The following SEC24A variants were observed in gnomAD, a reference collection of about 807,000 sequenced individuals.
The protein encoded by SEC24A is SEC24 homolog A, COPII component.
SEC24A carries 93 observed loss-of-function variants against 129.4 expected under a neutral mutation model. That is an observed-to-expected ratio of 0.72 (90% confidence interval 0.61 to 0.85). The LOEUF (loss-of-function observed/expected upper bound fraction) is 0.85, where lower values mean the gene tolerates loss of function less well. SEC24A is among the 40% of genes least tolerant of loss of function. The pLI is 0.00. For synonymous variants in SEC24A, 460 were observed against 467.3 expected, an observed-to-expected ratio of 0.98 and a Z score of 0.20; for missense variants, 1,264 against 1,307.4, an observed-to-expected ratio of 0.97 and a Z score of 0.51.
In SEC24A at chr5:134,719,846, G is replaced by A. The variant is rs144451466; in HGVS notation, c.2971-1152G>A. The stretch of plus-strand genomic sequence containing the variant: ...ACTAAAAATACAAAATTAGCCAGGC[G>A]TGGTGGCACATGCCTGTAATCCCAG... On this transcript the variant is annotated intron_variant, in intron 20 of 22. Coordinates refer to ENST00000398844, the MANE Select transcript of SEC24A (RefSeq NM_021982.3). Among the ~76,000 whole-genome samples the A allele has an allele frequency of 1.1e-4, 16 of 152,186 alleles. No individual in the cohort carries two copies. The East Asian group carries it at 2.3e-3, about 22-fold the overall frequency.
At position 134,698,052 on chromosome 5, in the gene SEC24A, C is replaced by G. The variant is rs1474159517; in HGVS notation, c.2261C>G (p.Thr754Ser). The change falls in exon 15 of 23, where the codon ACC becomes AGC. Residue 754 changes from threonine (T) to serine (S), a missense_variant. Thr to Ser is a moderately conservative substitution (Grantham distance 58). Coordinates refer to ENST00000398844, the MANE Select transcript of SEC24A (RefSeq NM_021982.3). ...GAGGCAGTCATGAGGATTCGGTGCA[C>G]CAAAGGTAGGAATATTTTTTTTTTG... Reference protein sequence around the residue: ...GFEAVMRIRCTKGLSIHTFHG... With the variant: ...GFEAVMRIRCSKGLSIHTFHG... 16 of 1,601,930 alleles carry G rather than the reference C, an allele frequency of 1.0e-5. No individual in the cohort carries two copies. Among genetic ancestry groups the G allele is most frequent in the Non-Finnish European group, 1.3e-5 (15 of 1,176,704 alleles).
intron 20 of SEC24A, among the ~76,000 whole-genome samples, 189 bp from the exon 21 acceptor site, chr5:134,720,809 G>A (rs535477640): frequency 3.3e-5 from 5 of 152,112 alleles, no homozygotes; most frequent in Admixed American, 2.6e-4. Context: ...AGGCTGAGGT[G>A]GGAAATCGCT....
chr5:134,653,041 G>A (rs187102818), intron 1 of SEC24A, among the ~76,000 whole-genome samples: 1 of 150,624 alleles, frequency 6.6e-6, no homozygotes, highest in African/African-American at 2.4e-5. Flanking sequence ...TCCTGACCTC[G>A]TGATCTGCCC....
At position 134,697,999 on chromosome 5, in the gene SEC24A, G is replaced by A. The variant is rs764356862; in HGVS notation, c.2208G>A (p.Gln736=). 9.3e-6 allele frequency: 15 copies of A among 1,613,904 alleles called. No individual in the cohort carries two copies. The highest frequency in any genetic ancestry group is 1.2e-5 in the Non-Finnish European group (14 of 1,179,980). ...TACAGAAATTACAGAAGGAACTACAGAGATACCTTACTCGGAAGATTGGCT... is the reference window on the plus strand; with the variant it reads ...TACAGAAATTACAGAAGGAACTACAAAGATACCTTACTCGGAAGATTGGCT... The part of the protein sequence containing the change: ...VQVQKLQKEL[Q]RYLTRKIGFE... The change falls in exon 15 of 23, where the codon CAG becomes CAA. Residue 736 remains glutamine (Q), a synonymous_variant. Coordinates refer to ENST00000398844, the MANE Select transcript of SEC24A (RefSeq NM_021982.3).
intron 20 of SEC24A, among the ~76,000 whole-genome samples, chr5:134,718,551 C>T (rs1437576892): frequency 6.6e-6 from 1 of 152,042 alleles, no homozygotes; most frequent in African/African-American, 2.4e-5. Context: ...TGGAGACCTT[C>T]TAATGAGACA....
At chr5:134,707,297 A>G (rs1285670569) in intron 17 of SEC24A, among the ~76,000 whole-genome samples, 1 of 151,904 alleles carries the variant, frequency 6.6e-6, no homozygotes, top group Non-Finnish European at 1.5e-5. Context: ...ATTGTGACCT[A>G]TGAAATTTGA....
At chr5:134,674,517 A>G in intron 4 of SEC24A, 98 bp from the exon 5 acceptor site, 2 of 1,109,692 alleles carry the variant, frequency 1.8e-6, no homozygotes, top group South Asian at 3.4e-5. Flanking sequence ...AGCCTGGGCA[A>G]TAGTGAGACC....
intron 12 of SEC24A, chr5:134,693,220 T>C: frequency 6.7e-7 from 1 of 1,500,692 alleles, no homozygotes; most frequent in East Asian, 2.5e-5. Flanking sequence ...ATGGTGACTG[T>C]GCCATAGTGC....
At chr5:134,655,295 T>C (rs1238052142) in intron 1 of SEC24A, among the ~76,000 whole-genome samples, 2 of 152,128 alleles carry the variant, frequency 1.3e-5, no homozygotes, top group African/African-American at 4.8e-5. Flanking sequence ...TCATCTGCAT[T>C]CATTCTTGCC....
chr5:134,673,246 G>A (rs1240984200), intron 4 of SEC24A, among the ~76,000 whole-genome samples: 1 of 151,498 alleles, frequency 6.6e-6, no homozygotes, highest in Non-Finnish European at 1.5e-5. Context: ...AGTAGAGATA[G>A]GGTTTAACCA....
At chr5:134,687,767 C>T (rs1039635018) in intron 10 of SEC24A, among the ~76,000 whole-genome samples, 3 of 152,160 alleles carry the variant, frequency 2.0e-5, no homozygotes, top group African/African-American at 7.2e-5. Context: ...ATTTGTAGTT[C>T]TTTAAAATAG....
intron 15 of SEC24A, among the ~76,000 whole-genome samples, chr5:134,703,470 G>GT (rs2150104555): frequency 6.6e-6 from 1 of 152,228 alleles, no homozygotes; most frequent in Non-Finnish European, 1.5e-5. Flanking sequence ...GTTTCACCAT[G>GT]TTATTGGCCA....
In SEC24A at chr5:134,715,056, A is replaced by C. The variant is rs372818812; in HGVS notation, c.2760A>C (p.Leu920=). The C allele has an allele frequency of 1.2e-6, 2 of 1,613,168 alleles. No homozygotes were observed. Among genetic ancestry groups the C allele is most frequent in the Non-Finnish European group, 1.7e-6 (2 of 1,179,738 alleles). Residue 920 remains leucine, a synonymous_variant, in exon 19 of 23, where the codon CTA becomes CTC. Transcript: ENST00000398844. The part of the protein sequence containing the change: ...KSFQTGTNAR[L]DERIFAMCQV... ...TCCAGACTGGGACAAATGCACGTCT[A>C]GATGAACGCATTTTTGCTATGTGTC... is the stretch of plus-strand genomic sequence containing the variant.
intron 16 of SEC24A, among the ~76,000 whole-genome samples, 193 bp downstream of exon 16, chr5:134,704,125 A>C (rs1357594268): frequency 6.6e-6 from 1 of 152,038 alleles, no homozygotes; most frequent in Non-Finnish European, 1.5e-5. Flanking sequence ...GCTGGAGTGC[A>C]GTGGCGCAGT....
intron 20 of SEC24A, 152 bp downstream of exon 20, chr5:134,718,325 C>CA: frequency 1.9e-6 from 1 of 526,410 alleles, no homozygotes; most frequent in Admixed American, 3.0e-5. Flanking sequence ...ATGTGTAAGT[C>CA]ATGGCTTATA....
rs762049343 is a variant in SEC24A, at chr5:134,679,595, T to C, written c.1255-7T>C. ...TTAAAAATTTAATTCTGTTTTTTTTTTTCCAGCAATTGCCTGTGGTTACCT... is the reference window on the plus strand; with the variant it reads ...TTAAAAATTTAATTCTGTTTTTTTTCTTCCAGCAATTGCCTGTGGTTACCT... On this transcript the variant is annotated splice_polypyrimidine_tract_variant and splice_region_variant and intron_variant, in intron 7 of 22. Transcript: ENST00000398844. The C allele has an allele frequency of 2.0e-5, 31 of 1,551,516 alleles. No homozygotes were observed. Among genetic ancestry groups the C allele is most frequent in the Non-Finnish European group, 2.5e-5 (29 of 1,144,116 alleles).
rs371660270 is a variant in SEC24A at position 134,703,963 on chromosome 5, A to G, written c.2440+31A>G. The G allele has an allele frequency of 1.2e-5, 17 of 1,430,004 alleles. No homozygotes were observed. The African/African-American group carries it at 2.4e-4, about 20-fold the overall frequency. The allele number at this position is 1,430,004 out of a possible 1,614,324, so 88.6% of individuals were successfully genotyped here. A position where few individuals can be genotyped will look rare whatever the true frequency, so the allele number is the denominator to read the frequency against. On this transcript the variant is annotated intron_variant, in intron 16 of 22. Coordinates refer to ENST00000398844, the MANE Select transcript of SEC24A (RefSeq NM_021982.3). ...TTGTTTGTTTTTTTTTGGATTTCAAATGTTCAAATATTGTCTGGATTTCAA... is the reference window on the plus strand; with the variant it reads ...TTGTTTGTTTTTTTTTGGATTTCAAGTGTTCAAATATTGTCTGGATTTCAA...
intron 19 of SEC24A, 27 bp from the exon 20 acceptor site, chr5:134,718,042 C>A: frequency 3.2e-6 from 5 of 1,550,090 alleles, no homozygotes; most frequent in Non-Finnish European, 4.5e-6. Context: ...ATATTTAAAA[C>A]CTTTACTCTT....
rs1476594669 is a variant in SEC24A at position 134,666,838 on chromosome 5, C to T, written c.581C>T (p.Pro194Leu). The T allele has an allele frequency of 1.2e-6, 2 of 1,613,908 alleles. No homozygotes were observed. The highest frequency in any genetic ancestry group is 2.7e-5 in the African/African-American group (2 of 74,870). The change falls in exon 3 of 23, where the codon CCC (proline) becomes CTC (leucine). Residue 194 changes from proline (P) to leucine (L), a missense_variant. Coordinates refer to ENST00000398844, the MANE Select transcript of SEC24A (RefSeq NM_021982.3). The stretch of plus-strand genomic sequence containing the variant: ...GTTTCCATAGGTCCTTCTGTACCTC[C>T]CTTAGTGAATCCACCTCTGCCTACA... ...SFIKSGPSVP[P>L]LVNPPLPTTF...
Sources: allele counts gnomAD v4.1 joint callset (sites outside exome capture counted in the v4.1 genomes callset), GRCh38; gene constraint gnomAD v4.1.1; transcripts MANE v1.5; gene names NCBI Gene and HGNC (gene_info 2026-07-23, HGNC 2026-07-21).